LRRC37B: variants seen among roughly 807,000 people sequenced by gnomAD.
LRRC37B encodes leucine-rich repeat-containing protein 37B.
In LRRC37B, 28 loss-of-function variants were observed where a neutral mutation model predicts 98.3. The observed-to-expected ratio is 0.28, with a 90% CI of 0.21 to 0.39. The LOEUF (loss-of-function observed/expected upper bound fraction) is 0.39, where lower values mean the gene tolerates loss of function less well. Among genes scored for constraint, LRRC37B ranks in the 10% least tolerant of loss-of-function variants. The pLI is 1.00. For missense variants in LRRC37B, 938 were observed against 1,182.7 expected (o/e 0.79, Z 3.03); for synonymous variants, 364 against 442.7 (o/e 0.82, Z 2.23).
At chr17:32,045,965 A>G in intron 8 of LRRC37B, 147 bp downstream of exon 11, 1 of 917,024 alleles carries the variant, frequency 1.1e-6, no homozygotes, top group East Asian at 2.7e-5. Flanking sequence ...CTTCTGAATG[A>G]CTCCCTTGCT....
At chr17:32,018,395 CA>C, upstream of LRRC37B, among the ~76,000 whole-genome samples, 1 of 152,298 alleles carries the variant, frequency 6.6e-6, no homozygotes, top group East Asian at 1.9e-4. Flanking sequence ...TCAAAACAAG[CA>C]GCAGAATTTG....
exon 7 of LRRC37B, chr17:32,035,583 C>T: frequency 1.2e-6 from 2 of 1,612,580 alleles, no homozygotes; most frequent in Non-Finnish European, 1.7e-6. Context: ...GAACAACACA[C>T]ATCACACTTA....
chr17:32,050,098 T>C (rs1314008413), exon 11 of LRRC37B: 11 of 1,484,256 alleles, frequency 7.4e-6, no homozygotes, highest in Non-Finnish European at 1.0e-5. Context: ...TAATTTTTTG[T>C]CTTATAGAGG....
At chr17:32,033,395 GAGAA>G (rs777661988) in intron 5 of LRRC37B, among the ~76,000 whole-genome samples, 81 of 151,908 alleles carry the variant, frequency 5.3e-4, no homozygotes, top group Admixed American at 2.2e-3. Context: ...AGGAAAGAAA[GAGAA>G]AGAAAGAAAG....
In LRRC37B at chr17:32,034,019, A is replaced by G. The variant is rs2142250561; in HGVS notation, c.2058-891A>G. 2.6e-5 allele frequency: 4 copies of G among 152,346 alleles called. 1 individual carries two copies. The South Asian group carries it at 8.3e-4, about 32-fold the overall frequency. 9.4% of individuals were successfully genotyped at this position (152,346 alleles called of 1,614,324 possible). On this transcript the variant is annotated intron_variant, in intron 5 of 11. Coordinates refer to ENST00000327564, the Ensembl canonical transcript of LRRC37B. ...GACTGACAAGTAGACAGGTGGTTACATGCAGTGTAACGAAGGCTGTGATGT... is the reference window on the plus strand; with the variant it reads ...GACTGACAAGTAGACAGGTGGTTACGTGCAGTGTAACGAAGGCTGTGATGT...
exon 1 of LRRC37B, chr17:32,022,062 C>G: frequency 6.2e-7 from 1 of 1,614,040 alleles, no homozygotes. Flanking sequence ...GGCCCCAGCT[C>G]TGCCTCCAGA....
chr17:32,049,203 G>C (rs779906099), exon 10 of LRRC37B: 6 of 1,613,994 alleles, frequency 3.7e-6, no homozygotes, highest in Admixed American at 1.7e-5. Flanking sequence ...CTTGAAAATG[G>C]AATGTTCAGA....
At chr17:32,033,346 A>G (rs1272401305) in intron 5 of LRRC37B, among the ~76,000 whole-genome samples, 1 of 140,164 alleles carries the variant, frequency 7.1e-6, no homozygotes, top group East Asian at 2.5e-4. Context: ...GGAGGGAGGG[A>G]AGGGAGGGAA....
At chr17:32,048,611 C>T (rs1418039621) in intron 9 of LRRC37B, among the ~76,000 whole-genome samples, 1 of 152,104 alleles carries the variant, frequency 6.6e-6, no homozygotes, top group African/African-American at 2.4e-5. Flanking sequence ...GGCTGCTAAA[C>T]CAATCACACA....
chr17:32,013,224 T>C (rs1255491537), intron 1 of LRRC37B, among the ~76,000 whole-genome samples: 1 of 152,144 alleles, frequency 6.6e-6, no homozygotes, highest in Non-Finnish European at 1.5e-5. Flanking sequence ...AGGCTGGTCT[T>C]GAATTCCTGG....
upstream of LRRC37B, among the ~76,000 whole-genome samples, chr17:32,019,475 G>A (rs981916057): frequency 3.3e-5 from 5 of 152,118 alleles, no homozygotes; most frequent in African/African-American, 1.2e-4. Flanking sequence ...TCTTCACATG[G>A]CAAGCAATGC....
At chr17:32,033,971 C>T (rs891246583) in intron 5 of LRRC37B, 16 of 152,110 alleles carry the variant, frequency 1.1e-4, no homozygotes, top group African/African-American at 3.6e-4. Flanking sequence ...GGTCTCTGCC[C>T]TCAAGGAGCT....
At chr17:32,016,536 T>C (rs1269631015), upstream of LRRC37B, among the ~76,000 whole-genome samples, 2 of 152,202 alleles carry the variant, frequency 1.3e-5, no homozygotes, top group African/African-American at 4.8e-5. Flanking sequence ...AATCCTACTT[T>C]CCACTTGGTA....
At chr17:32,022,903 T>G (rs1055739987) in intron 1 of LRRC37B, 78 bp downstream of exon 4, 1 of 1,397,112 alleles carries the variant, frequency 7.2e-7, no homozygotes, top group Non-Finnish European at 1.0e-6. Context: ...TTCCTGGGCC[T>G]TCTTTATCTC....
chr17:32,020,927 G>A (rs1910752426), upstream of LRRC37B: 2 of 1,436,210 alleles, frequency 1.4e-6, no homozygotes, highest in Admixed American at 5.6e-5. Context: ...TAAGGGGAGG[G>A]GAGGGGTGTT....
At chr17:32,030,245 T>C (rs998079096) in intron 3 of LRRC37B, among the ~76,000 whole-genome samples, 13 of 152,202 alleles carry the variant, frequency 8.5e-5, no homozygotes, top group African/African-American at 2.7e-4. Flanking sequence ...ATGTCTTTTA[T>C]TTCTTCTGAT....
intron 7 of LRRC37B, among the ~76,000 whole-genome samples, chr17:32,039,109 G>A (rs552926638): frequency 6.1e-4 from 93 of 152,122 alleles, no homozygotes; most frequent in African/African-American, 2.2e-3. Context: ...CATATATGGT[G>A]TGAGGTTTAT....
At chr17:32,011,538 C>T (rs1488312705) in intron 1 of LRRC37B, among the ~76,000 whole-genome samples, 1 of 151,208 alleles carries the variant, frequency 6.6e-6, no homozygotes, top group Non-Finnish European at 1.5e-5. Flanking sequence ...AGCTCCGTTG[C>T]CCAGAATGGA....
chr17:32,050,624 A>G, intron 11 of LRRC37B: 2 of 151,862 alleles, frequency 1.3e-5, no homozygotes, highest in Non-Finnish European at 2.9e-5. Flanking sequence ...TTAAAGAACT[A>G]CAGGGTAGCC....
Sources: allele counts gnomAD v4.1 joint callset (sites outside exome capture counted in the v4.1 genomes callset), GRCh38; gene constraint gnomAD v4.1.1; transcripts MANE v1.5; gene names NCBI Gene and HGNC (gene_info 2026-07-23, HGNC 2026-07-21).